The following ATP1A3 variants were observed in gnomAD, a reference collection of about 807,000 sequenced individuals.
ATP1A3 encodes sodium/potassium-transporting ATPase subunit alpha-3.
Under a neutral mutation model 108.8 loss-of-function variants are expected in ATP1A3, and 12 were observed. That is an observed-to-expected ratio of 0.11 (90% CI 0.07 to 0.18). The LOEUF is 0.18. Among genes scored for constraint, ATP1A3 ranks in the 10% least tolerant of loss-of-function variants. ATP1A3 has a pLI of 1.00. For missense variants in ATP1A3, 498 were observed against 1,387.7 expected, an observed-to-expected ratio of 0.36 and a Z score of 10.19; for synonymous variants, 539 against 564.5, an observed-to-expected ratio of 0.95 and a Z score of 0.64.
chr19:41,986,093 G>T (rs1295344588), intron 5 of ATP1A3, 23 bp downstream of exon 5: 1 of 1,614,106 alleles, frequency 6.2e-7, no homozygotes, highest in Non-Finnish European at 8.5e-7. Context: ...CCCCCGTCTG[G>T]CCCCTTGCTG....
intron 8 of ATP1A3, among the ~76,000 whole-genome samples, chr19:41,983,845 G>A (rs1485855365): frequency 2.7e-5 from 4 of 147,776 alleles, no homozygotes; most frequent in Non-Finnish European, 4.4e-5. Context: ...CACGATCTCG[G>A]CTCACTGCAA....
At chr19:41,993,660 AC>A in intron 1 of ATP1A3, 1 of 627,790 alleles carries the variant, frequency 1.6e-6, no homozygotes, top group Non-Finnish European at 2.7e-6. Flanking sequence ...GGCCTCAATA[AC>A]CCCAGACGCA....
In ATP1A3 at chr19:41,985,565, G is replaced by C; in HGVS notation, c.607-142C>G. ...GTGCCCAGTGGGTGAGTGGTGTGTG[G>C]GAGGCCAGAGGCTGGGATCTTGAAG... On this transcript the variant is annotated intron_variant, in intron 6 of 22. Transcript: ENST00000648268. The surrounding 1 kb of genome is among the most constrained non-coding windows in gnomAD (Gnocchi z 8.2). 1 of 909,850 alleles carries C rather than the reference G, an allele frequency of 1.1e-6. No individual in the cohort carries two copies. Among genetic ancestry groups the C allele is most frequent in the Non-Finnish European group, 1.7e-6 (1 of 571,944 alleles). The allele number at this position is 909,850 out of a possible 1,614,324, so 56.4% of individuals were successfully genotyped here.
chr19:41,973,243 T>C (rs1454105833), intron 16 of ATP1A3, among the ~76,000 whole-genome samples: 1 of 152,050 alleles, frequency 6.6e-6, no homozygotes, highest in African/African-American at 2.4e-5. Flanking sequence ...AATGCCCCCG[T>C]TGGAAGTTAT....
At chr19:41,992,614 C>T (rs922887743) in intron 1 of ATP1A3, among the ~76,000 whole-genome samples, 7 of 151,992 alleles carry the variant, frequency 4.6e-5, no homozygotes, top group Non-Finnish European at 1.0e-4. Flanking sequence ...AAATATCTGT[C>T]CTTGTGTCTC....
rs2075059905 is a variant in ATP1A3, at chr19:41,967,797, G to A, written c.2820-34C>T. 1.9e-6 allele frequency: 3 copies of A among 1,602,578 alleles called. No individual in the cohort carries two copies. Among genetic ancestry groups the A allele is most frequent in the East Asian group, 2.2e-5 (1 of 44,606 alleles). ...ACAGAAGGGCAGGGCTGGGCCCAGA[G>A]AGCACCCACCCTGCACCTGCCACCC... On this transcript the variant is annotated intron_variant, in intron 20 of 22. Transcript: ENST00000648268. This position sits in a 1 kb window ranked among gnomAD's most constrained non-coding sequence, Gnocchi z 4.2.
chr19:41,970,756 C>G lies in ATP1A3; in HGVS notation c.2264-214G>C, dbSNP rs61355139. The stretch of plus-strand genomic sequence containing the variant: ...ACGCCATTCTCCTGCCTCAGCCTCC[C>G]GAGTAGCTGGCACTACAGGCACCTG... On this transcript the variant is annotated intron_variant, in intron 16 of 22. Coordinates refer to ENST00000648268, the MANE Select transcript of ATP1A3 (RefSeq NM_152296.5). Among the ~76,000 whole-genome samples the G allele has an allele frequency of 1.2e-3, 189 of 151,538 alleles. 6 individuals carry two copies. In the East Asian group the frequency reaches 0.026, roughly 21 times the overall value.
At chr19:41,971,708 G>A (rs1189240417) in intron 16 of ATP1A3, among the ~76,000 whole-genome samples, 4 of 152,154 alleles carry the variant, frequency 2.6e-5, no homozygotes, top group Non-Finnish European at 4.4e-5. Flanking sequence ...CTAAAAGTCA[G>A]GATAATGGTT....
At position 41,988,664 on chromosome 19, in the gene ATP1A3, C is replaced by T. The variant is rs538909495; in HGVS notation, c.7-102G>A. ...TCCATGCCCCAGCTATCCTCCTGGCCGGTGCCCCTGCATCTCTGGGTGGGG... is the reference window on the plus strand; with the variant it reads ...TCCATGCCCCAGCTATCCTCCTGGCTGGTGCCCCTGCATCTCTGGGTGGGG... On this transcript the variant is annotated intron_variant, in intron 1 of 22. Transcript: ENST00000648268. The surrounding 1 kb of genome is among the most constrained non-coding windows in gnomAD (Gnocchi z 5.3). The T allele has an allele frequency of 2.2e-5, 36 of 1,602,804 alleles. No homozygotes were observed. Among genetic ancestry groups the T allele is most frequent in the East Asian group, 4.5e-5 (2 of 44,772 alleles).
rs1555859582 is a variant in ATP1A3, at chr19:41,970,442, G to C, written c.2364C>G (p.Ile788Met). ...TGGTGATGGTGCCCAGGGGCAGCGG[G>C]ATGTTGGCCATGATGAACAGCAGGA... ...TPFLLFIMAN[I>M]PLPLGTITIL... Residue 788 changes from isoleucine (I) to methionine (M), a missense_variant, in exon 17 of 23, where the codon ATC (isoleucine) becomes ATG (methionine). Coordinates refer to ENST00000648268, the MANE Select transcript of ATP1A3 (RefSeq NM_152296.5). 1 of 1,614,084 alleles carries C rather than the reference G, an allele frequency of 6.2e-7. No homozygotes were observed. Among genetic ancestry groups the C allele is most frequent in the Admixed American group, 1.7e-5 (1 of 60,006 alleles).
chr19:41,982,172 A>T, intron 8 of ATP1A3, 66 bp from the exon 9 acceptor site: 2 of 1,611,984 alleles, frequency 1.2e-6, no homozygotes, highest in Non-Finnish European at 1.7e-6. Flanking sequence ...GATGAGCGAC[A>T]CGAGGGCCAC....
chr19:41,977,411 C>T (rs1292766892), intron 14 of ATP1A3, among the ~76,000 whole-genome samples: 2 of 151,822 alleles, frequency 1.3e-5, no homozygotes, highest in East Asian at 2.0e-4. Flanking sequence ...GCAGGCCGGG[C>T]GCAGTGGCTC....
chr19:41,976,394 C>T (rs2075171154), intron 15 of ATP1A3, 22 bp downstream of exon 15: 1 of 1,614,086 alleles, frequency 6.2e-7, no homozygotes, highest in South Asian at 1.1e-5. Flanking sequence ...CCCGTCCCCT[C>T]CTCTGCGGGA....
intron 1 of ATP1A3, among the ~76,000 whole-genome samples, chr19:41,989,277 C>G (rs1428860599): frequency 6.6e-6 from 1 of 151,182 alleles, no homozygotes; most frequent in Non-Finnish European, 1.5e-5. Context: ...GTCTCTTCTT[C>G]CCTCTCCCTG....
chr19:41,973,379 C>G (rs2075133639), intron 16 of ATP1A3, among the ~76,000 whole-genome samples: 1 of 152,186 alleles, frequency 6.6e-6, no homozygotes, highest in African/African-American at 2.4e-5. Context: ...CCTCAGCCCC[C>G]CAAGTCTCTG....
In ATP1A3 at chr19:41,968,967, C is replaced by CT; in HGVS notation, c.2689-53dup. On this transcript the variant is annotated intron_variant, in intron 19 of 22. Coordinates refer to ENST00000648268, the MANE Select transcript of ATP1A3 (RefSeq NM_152296.5). The surrounding 1 kb of genome is among the most constrained non-coding windows in gnomAD (Gnocchi z 5.0). ...GACGTCAGTTAGTGGCACTGCAGCC[C>CT]TAGCCGCCACCCCGACGTTCCGGTG... 2 of 1,611,774 alleles carry CT rather than the reference C, an allele frequency of 1.2e-6. No individual in the cohort carries two copies. Among genetic ancestry groups the CT allele is most frequent in the Non-Finnish European group, 1.7e-6 (2 of 1,178,958 alleles).
In ATP1A3 at chr19:41,967,174, A is replaced by G. The variant is rs568701213; in HGVS notation, c.3013+75T>C. 1 of 1,606,868 alleles carries G rather than the reference A, an allele frequency of 6.2e-7. No individual in the cohort carries two copies. The highest frequency in any genetic ancestry group is 1.1e-5 in the South Asian group (1 of 90,184). ...GGTGGCAGAGCCATCCAGCAGGGCG[A>G]GGGGAGCCTGGGACCAGCTGCCTGA... On this transcript the variant is annotated intron_variant, in intron 22 of 22. Coordinates refer to ENST00000648268, the MANE Select transcript of ATP1A3 (RefSeq NM_152296.5). The surrounding 1 kb of genome is among the most constrained non-coding windows in gnomAD (Gnocchi z 4.2).
At chr19:41,989,657 T>C (rs2075318417) in intron 1 of ATP1A3, among the ~76,000 whole-genome samples, 8 of 152,090 alleles carry the variant, frequency 5.3e-5, no homozygotes, top group Admixed American at 5.2e-4. Flanking sequence ...TGTATCTCCA[T>C]CTCTTTCTCC....
Position 41,975,817 on chromosome 19 carries a change from G to A in ATP1A3, c.2095-20C>T, listed in dbSNP as rs782784421. ...TGCACCCTGGAGGGAGAGAGGGTAA[G>A]GATGACACCCAGAGGCCAGTCCCCA... is the stretch of plus-strand genomic sequence containing the variant. On this transcript the variant is annotated intron_variant, in intron 15 of 22. Coordinates refer to ENST00000648268, the MANE Select transcript of ATP1A3 (RefSeq NM_152296.5). 3 of 1,613,792 alleles carry A rather than the reference G, an allele frequency of 1.9e-6. No individual in the cohort carries two copies. The highest frequency in any genetic ancestry group is 8.5e-7 in the Non-Finnish European group (1 of 1,179,936).
Sources: gnomAD v4.1 joint callset for allele counts (sites outside exome capture counted in the v4.1 genomes callset) on GRCh38, gnomAD v4.1.1 for gene constraint, Gnocchi (gnomAD v3.1) non-coding constraint, MANE v1.5 for transcripts, NCBI Gene and HGNC (gene_info 2026-07-23, HGNC 2026-07-21) for gene names.